The following TPRG1 variants were observed in gnomAD, a reference collection of about 807,000 sequenced individuals.
TPRG1 encodes tumor protein p63-regulated gene 1 protein.
Under a neutral mutation model 29.3 loss-of-function variants are expected in TPRG1, and 29 were observed. The observed-to-expected ratio is 0.99, with a 90% CI of 0.74 to 1.35. TPRG1 has a LOEUF of 1.35. Among genes scored for constraint, TPRG1 ranks in the 40% most tolerant of loss-of-function variants. The probability of loss-of-function intolerance (pLI) is 0.00; values close to 1 mark genes in which losing one functional copy is unlikely to be tolerated. For synonymous variants in TPRG1, 130 were observed against 116.8 expected (o/e 1.11, Z -0.73); for missense variants, 327 against 335.0 (o/e 0.98, Z 0.19).
At chr3:189,051,510 A>T (rs1226906357) in intron 4 of TPRG1, among the ~76,000 whole-genome samples, 1 of 152,172 alleles carries the variant, frequency 6.6e-6, no homozygotes, top group East Asian at 1.9e-4. Context: ...TGTGAAAATG[A>T]CCATACTGCC....
At chr3:189,076,828 C>T (rs1401797812) in intron 4 of TPRG1, among the ~76,000 whole-genome samples, 1 of 151,700 alleles carries the variant, frequency 6.6e-6, no homozygotes, top group East Asian at 1.9e-4. Context: ...AAATAAATAG[C>T]TAAATATTGT....
At chr3:189,075,434 T>G (rs1717105366) in intron 4 of TPRG1, among the ~76,000 whole-genome samples, 1 of 152,180 alleles carries the variant, frequency 6.6e-6, no homozygotes, top group South Asian at 2.1e-4. Flanking sequence ...CTGCACCTGG[T>G]GCATGCTCTG....
intron 4 of TPRG1, among the ~76,000 whole-genome samples, chr3:189,305,903 A>G (rs1040408639): frequency 6.6e-6 from 1 of 152,196 alleles, no homozygotes; most frequent in Non-Finnish European, 1.5e-5. Flanking sequence ...TAAAGAGTAC[A>G]TTGTCCTTCT....
At chr3:189,030,732 A>C (rs1578213304) in intron 4 of TPRG1, among the ~76,000 whole-genome samples, 1 of 152,082 alleles carries the variant, frequency 6.6e-6, no homozygotes, top group East Asian at 1.9e-4. Flanking sequence ...ACGTATGAGG[A>C]AGGGGTCATG....
intron 3 of TPRG1, 91 bp downstream of exon 3, chr3:189,215,474 A>G: frequency 9.5e-7 from 1 of 1,057,686 alleles, no homozygotes; most frequent in Non-Finnish European, 1.4e-6. Context: ...CTGTGGTAGA[A>G]TTTCTCTGGT....
At chr3:189,117,148 T>A (rs1424118585) in intron 1 of TPRG1, among the ~76,000 whole-genome samples, 2 of 152,146 alleles carry the variant, frequency 1.3e-5, no homozygotes, top group Non-Finnish European at 2.9e-5. Context: ...TATTGGGACT[T>A]ATAATCTCAG....
intron 2 of TPRG1, among the ~76,000 whole-genome samples, chr3:189,211,106 A>G (rs911384615): frequency 1.1e-4 from 17 of 152,188 alleles, no homozygotes; most frequent in Admixed American, 8.5e-4. Context: ...TCTTTTACTT[A>G]TATATACACA....
At chr3:189,000,522 G>A (rs1446542001) in intron 1 of TPRG1, among the ~76,000 whole-genome samples, 1 of 151,854 alleles carries the variant, frequency 6.6e-6, no homozygotes, top group Non-Finnish European at 1.5e-5. Flanking sequence ...TATTTCTATA[G>A]GAGTTTGTAT....
chr3:189,188,755 G>A (rs1057287010), intron 1 of TPRG1, among the ~76,000 whole-genome samples: 3 of 152,154 alleles, frequency 2.0e-5, no homozygotes, highest in African/African-American at 7.2e-5. Flanking sequence ...CTTCTTGTAA[G>A]ATAAGCCTTG....
In TPRG1 at chr3:189,310,381, TGTA is replaced by T; in HGVS notation, c.480-3_480-1del. 1 of 1,586,944 alleles carries T rather than the reference TGTA, an allele frequency of 6.3e-7. No homozygotes were observed. On this transcript the variant is annotated splice_acceptor_variant and splice_polypyrimidine_tract_variant and intron_variant, in intron 4 of 5. Coordinates refer to ENST00000345063, the MANE Select transcript of TPRG1 (RefSeq NM_198485.4). LOFTEE classifies it high-confidence loss of function. ...CTAATCTAATGGAAAACGCCTTTCT[TGTA>T]GGAGACAAGGAGAAGGCCTTAGGAT... is the stretch of plus-strand genomic sequence containing the variant.
At chr3:189,306,069 A>G (rs913724096) in intron 4 of TPRG1, among the ~76,000 whole-genome samples, 46 of 152,172 alleles carry the variant, frequency 3.0e-4, no homozygotes, top group Non-Finnish European at 4.4e-5. Context: ...TGATAGTAAA[A>G]TCGGCTCATA....
intron 4 of TPRG1, among the ~76,000 whole-genome samples, chr3:189,028,475 G>C (rs1713774534): frequency 6.6e-6 from 1 of 152,154 alleles, no homozygotes; most frequent in Admixed American, 6.5e-5. Context: ...TAGTAAGTGG[G>C]AGACAAAGAG....
At chr3:189,065,639 C>T (rs1366042187) in intron 4 of TPRG1, among the ~76,000 whole-genome samples, 1 of 151,698 alleles carries the variant, frequency 6.6e-6, no homozygotes, top group Non-Finnish European at 1.5e-5. Context: ...AAACATTTAG[C>T]AAGTTATAAA....
At chr3:189,245,347 T>C (rs1264937579) in intron 4 of TPRG1, among the ~76,000 whole-genome samples, 5 of 152,182 alleles carry the variant, frequency 3.3e-5, no homozygotes, top group Non-Finnish European at 5.9e-5. Flanking sequence ...CATCTACAGT[T>C]ATAAATTTCC....
chr3:189,239,748 TATAAA>T (rs1225939134), intron 4 of TPRG1, among the ~76,000 whole-genome samples: 1 of 152,162 alleles, frequency 6.6e-6, no homozygotes, highest in Non-Finnish European at 1.5e-5. Flanking sequence ...TAGCTCTTCT[TATAAA>T]ATGTCTCTTG....
intron 5 of TPRG1, among the ~76,000 whole-genome samples, chr3:189,162,520 A>G (rs1286148993): frequency 6.6e-6 from 1 of 152,234 alleles, no homozygotes; most frequent in East Asian, 1.9e-4. Flanking sequence ...GAGGGTAAGT[A>G]ATATGACAAT....
intron 3 of TPRG1, among the ~76,000 whole-genome samples, chr3:189,141,769 G>A (rs1041951573): frequency 3.3e-5 from 5 of 152,180 alleles, no homozygotes; most frequent in African/African-American, 1.2e-4. Flanking sequence ...TGTGTGTGTA[G>A]TCTTAAATCA....
chr3:189,229,711 T>C (rs1331348487), intron 3 of TPRG1, among the ~76,000 whole-genome samples: 1 of 152,048 alleles, frequency 6.6e-6, no homozygotes. Context: ...CTTGAGAGAG[T>C]AGCTTTTGCT....
At chr3:189,109,173 G>A (rs1381816212) in intron 1 of TPRG1, among the ~76,000 whole-genome samples, 1 of 152,104 alleles carries the variant, frequency 6.6e-6, no homozygotes, top group African/African-American at 2.4e-5. Flanking sequence ...AGGAGAAGAG[G>A]AGGAAGGGAT....
Sources: gnomAD v4.1 joint callset for allele counts (sites outside exome capture counted in the v4.1 genomes callset) on GRCh38, gnomAD v4.1.1 for gene constraint, MANE v1.5 for transcripts, NCBI Gene and HGNC (gene_info 2026-07-23, HGNC 2026-07-21) for gene names.